MECOM: variants seen among roughly 807,000 people sequenced by gnomAD.
MECOM encodes the protein histone-lysine N-methyltransferase MECOM.
MECOM carries 13 observed loss-of-function variants against 116.3 expected under a neutral mutation model. The ratio of observed to expected loss-of-function variants is 0.11; its 90% CI spans 0.07 to 0.18. MECOM has a LOEUF of 0.18. Among genes scored for constraint, MECOM ranks in the 10% least tolerant of loss-of-function variants. The probability of loss-of-function intolerance (pLI) is 1.00; values close to 1 mark genes in which losing one functional copy is unlikely to be tolerated. For synonymous variants in MECOM, 528 were observed against 535.2 expected (o/e 0.99, Z 0.19); for missense variants, 1,299 against 1,509.0 (o/e 0.86, Z 2.31).
At chr3:169,640,357 G>C (rs1004966874) in intron 1 of MECOM, among the ~76,000 whole-genome samples, 3 of 152,138 alleles carry the variant, frequency 2.0e-5, no homozygotes, top group Non-Finnish European at 2.9e-5. Context: ...CAATAAAAAA[G>C]TGTTGAAAAG....
chr3:169,511,228 A>C (rs1755915758), intron 1 of MECOM, among the ~76,000 whole-genome samples: 1 of 152,224 alleles, frequency 6.6e-6, no homozygotes, highest in Non-Finnish European at 1.5e-5. Context: ...TTTGAATTTC[A>C]GTAAGTTAAA....
At chr3:169,463,409 T>G (rs1056904234) in intron 1 of MECOM, among the ~76,000 whole-genome samples, 2 of 152,094 alleles carry the variant, frequency 1.3e-5, no homozygotes, top group African/African-American at 2.4e-5. Context: ...TGAAAAAAAG[T>G]GTACAAAATG....
At chr3:169,413,490 ATT>A (rs34732503) in intron 1 of MECOM, among the ~76,000 whole-genome samples, 4,692 of 133,802 alleles carry the variant, frequency 0.035, 183 homozygotes, top group African/African-American at 0.098. Context: ...TTTTTTTTTT[ATT>A]TTTTTTTTTG....
chr3:169,357,271 C>A (rs1224018192), intron 2 of MECOM, among the ~76,000 whole-genome samples: 2 of 151,800 alleles, frequency 1.3e-5, no homozygotes, highest in Non-Finnish European at 2.9e-5. Context: ...TTTTAATGAG[C>A]AATTTTATCC....
intron 1 of MECOM, among the ~76,000 whole-genome samples, chr3:169,570,009 G>A (rs1354189084): frequency 3.3e-5 from 5 of 152,112 alleles, no homozygotes; most frequent in Non-Finnish European, 5.9e-5. Context: ...GAAGGATAGA[G>A]ACTTGAAGAA....
chr3:169,246,749 T>C (rs1201507139), intron 2 of MECOM, among the ~76,000 whole-genome samples: 1 of 152,150 alleles, frequency 6.6e-6, no homozygotes, highest in Admixed American at 6.5e-5. Flanking sequence ...CTGGAACTCC[T>C]GACCTCATGA....
At chr3:169,316,881 A>G (rs1223767090) in intron 2 of MECOM, among the ~76,000 whole-genome samples, 2 of 152,202 alleles carry the variant, frequency 1.3e-5, no homozygotes, top group Non-Finnish European at 2.9e-5. Flanking sequence ...ATCAAGTTTC[A>G]TTACTGTGTG....
intron 2 of MECOM, among the ~76,000 whole-genome samples, chr3:169,236,429 T>C (rs565571699): frequency 6.6e-6 from 1 of 152,178 alleles, no homozygotes; most frequent in African/African-American, 2.4e-5. Context: ...TAAACATGAG[T>C]AAATGAATAC....
chr3:169,511,713 G>A (rs963294942), intron 1 of MECOM, among the ~76,000 whole-genome samples: 4 of 151,840 alleles, frequency 2.6e-5, no homozygotes, highest in African/African-American at 9.7e-5. Flanking sequence ...AGGTTGTAGT[G>A]AGCCGAGATC....
At chr3:169,593,511 G>A (rs923234363) in intron 1 of MECOM, among the ~76,000 whole-genome samples, 5 of 152,088 alleles carry the variant, frequency 3.3e-5, no homozygotes, top group Non-Finnish European at 7.4e-5. Flanking sequence ...TGACATATTA[G>A]CATGTGAATC....
At position 169,516,677 on chromosome 3, in the gene MECOM, A is replaced by C. The variant is rs565756423; in HGVS notation, c.38-135153T>G. 2.2e-4 allele frequency among the ~76,000 whole-genome samples: 34 copies of C among 152,216 alleles called. 1 individual carries two copies. The South Asian group carries it at 6.8e-3, about 31-fold the overall frequency. On this transcript the variant is annotated intron_variant, in intron 1 of 16. Coordinates refer to ENST00000651503, the MANE Select transcript of MECOM (RefSeq NM_004991.4). ...TTGGGTCTTTCCAATTCCAGAACCC[A>C]GCTCTTAATTATCTGCTATAGATTC...
At chr3:169,185,309 T>G (rs1463804358) in intron 2 of MECOM, among the ~76,000 whole-genome samples, 1 of 151,960 alleles carries the variant, frequency 6.6e-6, no homozygotes, top group Non-Finnish European at 1.5e-5. Flanking sequence ...AAAAGGAGAC[T>G]GAGCAGAATA....
rs949845270 is a variant in MECOM, at chr3:169,611,127, C to T, written c.37+52209G>A. Among the ~76,000 whole-genome samples the T allele has an allele frequency of 1.3e-5, 2 of 152,184 alleles. No individual in the cohort carries two copies. The highest frequency in any genetic ancestry group is 2.1e-4 in the South Asian group (1 of 4,830). On this transcript the variant is annotated intron_variant, in intron 1 of 16. Coordinates refer to ENST00000651503, the MANE Select transcript of MECOM (RefSeq NM_004991.4). This position sits in a 1 kb window ranked among gnomAD's most constrained non-coding sequence, Gnocchi z 4.1. ...GTTTTTGTTGATACTGCTGCTGCTG[C>T]GGTTTTTAACACATGCTTCAGGTGG... is the stretch of plus-strand genomic sequence containing the variant.
At chr3:169,524,031 T>A (rs1757684396) in intron 1 of MECOM, among the ~76,000 whole-genome samples, 1 of 117,990 alleles carries the variant, frequency 8.5e-6, no homozygotes, top group Admixed American at 8.8e-5. Context: ...CATGTATGTA[T>A]ATGAATAAAT....
intron 2 of MECOM, among the ~76,000 whole-genome samples, chr3:169,319,342 C>T (rs1720398238): frequency 6.6e-6 from 1 of 151,860 alleles, no homozygotes; most frequent in South Asian, 2.1e-4. Flanking sequence ...CCAAACACTG[C>T]ATGTTCTCAC....
intron 2 of MECOM, among the ~76,000 whole-genome samples, chr3:169,225,749 A>G (rs914268027): frequency 3.9e-5 from 6 of 152,152 alleles, no homozygotes; most frequent in African/African-American, 9.7e-5. Flanking sequence ...AGCTGGGACT[A>G]CAGGCATGCA....
intron 2 of MECOM, among the ~76,000 whole-genome samples, chr3:169,229,292 CA>C (rs35455500): frequency 6.6e-6 from 1 of 152,170 alleles, no homozygotes; most frequent in Non-Finnish European, 1.5e-5. Flanking sequence ...TGGTGACTAC[CA>C]AACGGGCAAG....
At chr3:169,529,810 TG>T (rs1292821040) in intron 1 of MECOM, among the ~76,000 whole-genome samples, 1 of 152,200 alleles carries the variant, frequency 6.6e-6, no homozygotes, top group Non-Finnish European at 1.5e-5. Flanking sequence ...CAAGTTCCTC[TG>T]GGACTGGGCC....
chr3:169,471,301 C>CT (rs939654414), intron 1 of MECOM, among the ~76,000 whole-genome samples: 35 of 151,460 alleles, frequency 2.3e-4, no homozygotes, highest in Non-Finnish European at 3.2e-4. Context: ...CTCAATGTCT[C>CT]TTTTTTTTAA....
Sources: gnomAD v4.1 joint callset for allele counts (sites outside exome capture counted in the v4.1 genomes callset) on GRCh38, gnomAD v4.1.1 for gene constraint, Gnocchi (gnomAD v3.1) non-coding constraint, MANE v1.5 for transcripts, NCBI Gene and HGNC (gene_info 2026-07-23, HGNC 2026-07-21) for gene names.